Variants in CMIP observed in about 807,000 individuals in gnomAD.
CMIP encodes the protein c-Maf inducing protein.
A neutral mutation model predicts 97.3 loss-of-function variants in CMIP; 13 were observed. That is an observed-to-expected ratio of 0.13 (90% CI 0.09 to 0.21). The LOEUF (loss-of-function observed/expected upper bound fraction) is 0.21, where lower values mean the gene tolerates loss of function less well. Among genes scored for constraint, CMIP ranks in the 10% least tolerant of loss-of-function variants. The pLI, the probability that CMIP is intolerant of heterozygous loss-of-function variation, is 1.00. For synonymous variants in CMIP, 538 were observed against 436.3 expected (o/e 1.23, Z -2.91); for missense variants, 847 against 1,024.9 (o/e 0.83, Z 2.37).
chr16:81,540,927 A>G (rs917116771), intron 1 of CMIP, among the ~76,000 whole-genome samples: 3 of 143,546 alleles, frequency 2.1e-5, no homozygotes, highest in Non-Finnish European at 4.5e-5. Context: ...TGATCCACCC[A>G]CGTCTGCTTC....
intron 1 of CMIP, among the ~76,000 whole-genome samples, chr16:81,528,464 T>C (rs1480031545): frequency 1.3e-5 from 2 of 152,214 alleles, no homozygotes; most frequent in Non-Finnish European, 2.9e-5. Context: ...TGAATTGATA[T>C]GACCAGAGGT....
At chr16:81,476,343 C>A in intron 1 of CMIP, 2 of 1,406,204 alleles carry the variant, frequency 1.4e-6, no homozygotes, top group South Asian at 2.3e-5. Context: ...GATACATAAA[C>A]CCTGGAATGT....
intron 1 of CMIP, among the ~76,000 whole-genome samples, chr16:81,487,495 G>A (rs941118892): frequency 2.6e-5 from 4 of 152,304 alleles, no homozygotes; most frequent in East Asian, 3.9e-4. Flanking sequence ...CCGGCTTGGC[G>A]GGAATGGGCA....
intron 10 of CMIP, among the ~76,000 whole-genome samples, chr16:81,683,050 C>A (rs1401314624): frequency 6.6e-6 from 1 of 152,200 alleles, no homozygotes; most frequent in African/African-American, 2.4e-5. Context: ...ATTTATCCAC[C>A]TGTTGATTCA....
chr16:81,657,050 TA>T (rs925722974), intron 4 of CMIP, among the ~76,000 whole-genome samples: 76 of 113,952 alleles, frequency 6.7e-4, no homozygotes, highest in South Asian at 9.1e-4. Flanking sequence ...TTCCAAAATT[TA>T]AAAAAAAAAA....
chr16:81,676,823 C>T (rs1904327955), intron 9 of CMIP, among the ~76,000 whole-genome samples: 1 of 152,132 alleles, frequency 6.6e-6, no homozygotes, highest in Non-Finnish European at 1.5e-5. Flanking sequence ...CTTCCCCCAG[C>T]TGCAACAATT....
chr16:81,616,172 T>A lies in CMIP; in HGVS notation c.427-4704T>A, dbSNP rs1184893975. Among the ~76,000 whole-genome samples the A allele has an allele frequency of 3.5e-5, 5 of 143,714 alleles. No individual in the cohort carries two copies. Among genetic ancestry groups the A allele is most frequent in the Non-Finnish European group, 7.7e-5 (5 of 64,784 alleles). The allele number at this position is 143,714 out of a possible 152,430, so 94.3% of individuals were successfully genotyped here. ...AGCTGTATTTTTTTTTTTTTTTTTTTAACACCAGGCTCACTGGAGCAGTCG... is the reference window on the plus strand; with the variant it reads ...AGCTGTATTTTTTTTTTTTTTTTTTAAACACCAGGCTCACTGGAGCAGTCG... On this transcript the variant is annotated intron_variant, in intron 2 of 20. Coordinates refer to ENST00000537098, the MANE Select transcript of CMIP (RefSeq NM_198390.3). This position sits in a 1 kb window ranked among gnomAD's most constrained non-coding sequence, Gnocchi z 4.7.
At chr16:81,557,402 A>C (rs1320338242) in intron 1 of CMIP, among the ~76,000 whole-genome samples, 1 of 152,156 alleles carries the variant, frequency 6.6e-6, no homozygotes, top group African/African-American at 2.4e-5. Context: ...CTGTGTACTT[A>C]CCATCTTGTT....
chr16:81,560,355 AC>A (rs1029881103), intron 1 of CMIP, among the ~76,000 whole-genome samples: 2 of 151,250 alleles, frequency 1.3e-5, no homozygotes, highest in Admixed American at 1.3e-4. Flanking sequence ...AGTAGCTGGG[AC>A]TACAGGCTCC....
intron 2 of CMIP, among the ~76,000 whole-genome samples, chr16:81,608,702 C>T (rs369628983): frequency 3.4e-4 from 51 of 152,030 alleles, no homozygotes; most frequent in African/African-American, 1.2e-3. Context: ...ACAAAAACCA[C>T]GACCACGGTC....
intron 10 of CMIP, among the ~76,000 whole-genome samples, chr16:81,686,442 T>G (rs1328619777): frequency 6.6e-6 from 1 of 152,180 alleles, no homozygotes; most frequent in Non-Finnish European, 1.5e-5. Context: ...CTGCTGTCAG[T>G]CCTCATCTGC....
At chr16:81,549,898 G>A (rs1250422286) in intron 1 of CMIP, among the ~76,000 whole-genome samples, 2 of 152,242 alleles carry the variant, frequency 1.3e-5, no homozygotes, top group Non-Finnish European at 2.9e-5. Flanking sequence ...TTGAATGTGT[G>A]TGTGCAGTGT....
intron 1 of CMIP, among the ~76,000 whole-genome samples, chr16:81,585,893 C>A (rs545351643): frequency 6.6e-6 from 1 of 152,288 alleles, no homozygotes; most frequent in East Asian, 1.9e-4. Flanking sequence ...GTTGCTGCCC[C>A]TGTCGTAGCA....
chr16:81,499,417 A>G (rs2089554444), intron 1 of CMIP, among the ~76,000 whole-genome samples: 1 of 152,116 alleles, frequency 6.6e-6, no homozygotes, highest in African/African-American at 2.4e-5. Flanking sequence ...CCCTTCTAGG[A>G]TATTCTCTGA....
intron 1 of CMIP, among the ~76,000 whole-genome samples, chr16:81,604,665 A>G (rs1192355579): frequency 6.6e-6 from 1 of 152,230 alleles, no homozygotes; most frequent in Non-Finnish European, 1.5e-5. Flanking sequence ...GCGCCACTGC[A>G]GTCCAGCCTG....
At chr16:81,696,743 C>A (rs776554320) in intron 14 of CMIP, 76 bp downstream of exon 14, 3 of 1,367,338 alleles carry the variant, frequency 2.2e-6, no homozygotes, top group Non-Finnish European at 2.0e-6. Flanking sequence ...AAACAGCCGT[C>A]CCCCATCCCC....
At chr16:81,484,444 G>A (rs1030040939) in intron 1 of CMIP, among the ~76,000 whole-genome samples, 17 of 152,186 alleles carry the variant, frequency 1.1e-4, no homozygotes, top group African/African-American at 3.4e-4. Context: ...GGCGCCGAAC[G>A]CAGGGTGTTG....
intron 10 of CMIP, among the ~76,000 whole-genome samples, chr16:81,689,428 ATGTGTC>A (rs1206106144): frequency 6.6e-6 from 1 of 152,070 alleles, no homozygotes; most frequent in Non-Finnish European, 1.5e-5. Flanking sequence ...GCATTTTTTC[ATGTGTC>A]TGTTGGCTGC....
chr16:81,567,703 T>C (rs1420773343), intron 1 of CMIP, among the ~76,000 whole-genome samples: 1 of 152,206 alleles, frequency 6.6e-6, no homozygotes, highest in East Asian at 1.9e-4. Context: ...TGCCTCTCCA[T>C]GCGCTGCTCC....
Sources: allele counts gnomAD v4.1 joint callset (sites outside exome capture counted in the v4.1 genomes callset), GRCh38; gene constraint gnomAD v4.1.1; non-coding constraint Gnocchi (gnomAD v3.1); transcripts MANE v1.5; gene names NCBI Gene and HGNC (gene_info 2026-07-23, HGNC 2026-07-21).